LDB2: variants seen among roughly 807,000 people sequenced by gnomAD.
LDB2 encodes LIM domain binding 2, also known as LIM domain-binding protein 2.
A neutral mutation model predicts 44.3 loss-of-function variants in LDB2; 12 were observed. That is an observed-to-expected ratio of 0.27 (90% CI 0.17 to 0.44). The LOEUF is 0.44. LDB2 is among the 20% of genes least tolerant of loss of function. The pLI, the probability that LDB2 is intolerant of heterozygous loss-of-function variation, is 1.00. For synonymous variants in LDB2, 164 were observed against 174.8 expected (o/e 0.94, Z 0.49); for missense variants, 344 against 473.5 (o/e 0.73, Z 2.54).
At chr4:16,814,162 A>G (rs142554827) in intron 1 of LDB2, among the ~76,000 whole-genome samples, 3,269 of 152,060 alleles carry the variant, frequency 0.021, 78 homozygotes, top group African/African-American at 0.053. Context: ...GAGCCACCGC[A>G]CCCGGCCAGG....
chr4:16,632,650 G>A (rs187802804), intron 2 of LDB2, among the ~76,000 whole-genome samples: 7 of 152,286 alleles, frequency 4.6e-5, no homozygotes, highest in South Asian at 2.1e-4. Flanking sequence ...GTCTCTGTTT[G>A]CAGATAACAT....
chr4:16,687,358 A>G (rs1329308253), intron 2 of LDB2, among the ~76,000 whole-genome samples: 1 of 152,046 alleles, frequency 6.6e-6, no homozygotes, highest in East Asian at 1.9e-4. Context: ...CTCGCTCTCT[A>G]CTCTCTGCCA....
At chr4:16,561,229 A>G (rs548159556) in intron 5 of LDB2, among the ~76,000 whole-genome samples, 219 of 152,316 alleles carry the variant, frequency 1.4e-3, no homozygotes, top group African/African-American at 4.9e-3. Flanking sequence ...GCAATTAGGC[A>G]GGAGAAGGAA....
chr4:16,581,918 A>AAAG (rs1714644406), intron 5 of LDB2, among the ~76,000 whole-genome samples: 1 of 149,562 alleles, frequency 6.7e-6, no homozygotes, highest in Non-Finnish European at 1.5e-5. Flanking sequence ...AAGACGAAGG[A>AAAG]AAGAAGAAAG....
chr4:16,538,778 G>A (rs946476599), intron 5 of LDB2, among the ~76,000 whole-genome samples: 2 of 152,136 alleles, frequency 1.3e-5, no homozygotes, highest in African/African-American at 4.8e-5. Context: ...TATTTGTTGA[G>A]CCTCTACTAT....
At chr4:16,839,951 C>T (rs913048905) in intron 1 of LDB2, among the ~76,000 whole-genome samples, 11 of 152,170 alleles carry the variant, frequency 7.2e-5, no homozygotes, top group African/African-American at 2.6e-4. Context: ...CCTAAAGTGG[C>T]CAACATTTTC....
At chr4:16,882,932 A>T (rs1010506417) in intron 1 of LDB2, among the ~76,000 whole-genome samples, 13 of 152,032 alleles carry the variant, frequency 8.6e-5, no homozygotes, top group African/African-American at 3.1e-4. Context: ...TAACCTTTCT[A>T]AAAAAAACTG....
intron 1 of LDB2, among the ~76,000 whole-genome samples, chr4:16,781,910 G>T (rs554927349): frequency 1.3e-5 from 2 of 152,146 alleles, no homozygotes; most frequent in Non-Finnish European, 1.5e-5. Context: ...ACAAGCCAAG[G>T]GGTGCCACCA....
At chr4:16,839,120 C>T (rs1001371556) in intron 1 of LDB2, among the ~76,000 whole-genome samples, 13 of 152,152 alleles carry the variant, frequency 8.5e-5, no homozygotes, top group African/African-American at 3.1e-4. Context: ...AATATACAAG[C>T]TTATATTTAA....
intron 1 of LDB2, among the ~76,000 whole-genome samples, chr4:16,826,825 A>T (rs1208033883): frequency 6.6e-6 from 1 of 152,208 alleles, no homozygotes; most frequent in East Asian, 1.9e-4. Context: ...AAAGGAAAAT[A>T]AAGGAGAAAA....
intron 7 of LDB2, chr4:16,503,248 T>C (rs1236476715): frequency 2.9e-6 from 3 of 1,017,024 alleles, no homozygotes; most frequent in Non-Finnish European, 4.3e-6. Flanking sequence ...TCTCAATACC[T>C]CCAAAAATCT....
At chr4:16,662,440 GTGCCTTGCAAAATTAATAT>G (rs1344684346) in intron 2 of LDB2, among the ~76,000 whole-genome samples, 4 of 152,184 alleles carry the variant, frequency 2.6e-5, no homozygotes, top group Non-Finnish European at 4.4e-5. Context: ...CCCCTACACA[GTGCCTTGCAAAATTAATAT>G]TTGGTAAAAA....
intron 2 of LDB2, among the ~76,000 whole-genome samples, chr4:16,640,264 C>A (rs575071659): frequency 3.5e-4 from 53 of 152,274 alleles, no homozygotes; most frequent in African/African-American, 1.1e-3. Context: ...ATTGAACAAA[C>A]AGATGAACTA....
At chr4:16,558,036 A>C (rs1179381738) in intron 5 of LDB2, among the ~76,000 whole-genome samples, 1 of 152,246 alleles carries the variant, frequency 6.6e-6, no homozygotes, top group Non-Finnish European at 1.5e-5. Flanking sequence ...TAACAAACAG[A>C]AAGGACATCC....
chr4:16,876,615 C>T (rs1290226334), intron 1 of LDB2, among the ~76,000 whole-genome samples: 4 of 151,570 alleles, frequency 2.6e-5, no homozygotes, highest in African/African-American at 9.7e-5. Flanking sequence ...CATTTGCTGA[C>T]TTTAGTACAA....
chr4:16,528,359 A>G (rs1443111794), intron 5 of LDB2, among the ~76,000 whole-genome samples: 1 of 152,254 alleles, frequency 6.6e-6, no homozygotes, highest in Non-Finnish European at 1.5e-5. Flanking sequence ...ACCTATGGAA[A>G]TAAAAAATAT....
At chr4:16,866,783 A>G (rs1714848135) in intron 1 of LDB2, among the ~76,000 whole-genome samples, 1 of 152,230 alleles carries the variant, frequency 6.6e-6, no homozygotes, top group Non-Finnish European at 1.5e-5. Flanking sequence ...CATTCCCTGT[A>G]TTAATCAGAT....
At chr4:16,565,948 A>C (rs973921062) in intron 5 of LDB2, among the ~76,000 whole-genome samples, 1 of 151,622 alleles carries the variant, frequency 6.6e-6, no homozygotes, top group Non-Finnish European at 1.5e-5. Flanking sequence ...GCATATGACC[A>C]CACACACACA....
intron 5 of LDB2, among the ~76,000 whole-genome samples, chr4:16,546,750 T>A (rs561369400): frequency 6.6e-6 from 1 of 152,236 alleles, no homozygotes; most frequent in Non-Finnish European, 1.5e-5. Flanking sequence ...TTAACCTTGC[T>A]GTCCATGTCA....
Sources: allele counts gnomAD v4.1 joint callset (sites outside exome capture counted in the v4.1 genomes callset), GRCh38; gene constraint gnomAD v4.1.1; transcripts MANE v1.5; gene names NCBI Gene and HGNC (gene_info 2026-07-23, HGNC 2026-07-21).